The following DYRK1B variants were observed in gnomAD, a reference collection of about 807,000 sequenced individuals.
The protein encoded by DYRK1B is dual specificity tyrosine-phosphorylation-regulated kinase 1B.
Under a neutral mutation model 57.1 loss-of-function variants are expected in DYRK1B, and 20 were observed. That is an observed-to-expected ratio of 0.35 (90% confidence interval 0.25 to 0.51). The LOEUF (loss-of-function observed/expected upper bound fraction) is 0.51, where lower values mean the gene tolerates loss of function less well. Ranked by LOEUF, DYRK1B falls within the 20% of genes least tolerant of loss-of-function variation. The pLI is 0.96. For synonymous variants in DYRK1B, 409 were observed against 384.7 expected (o/e 1.06, Z -0.74); for missense variants, 732 against 886.3 (o/e 0.83, Z 2.21).
chr19:39,826,326 G>A lies in DYRK1B; in HGVS notation c.1412-40C>T. ...GAGGAGAGGTGAAGGGGCATAAGGT[G>A]AGAGAAGGTGGCGAGTGGGTTTTGG... On this transcript the variant is annotated intron_variant, in intron 9 of 10. Transcript: ENST00000323039. The surrounding 1 kb of genome is among the most constrained non-coding windows in gnomAD (Gnocchi z 6.3). 1 of 1,485,076 alleles carries A rather than the reference G, an allele frequency of 6.7e-7. No homozygotes were observed. The allele number at this position is 1,485,076 out of a possible 1,614,324, so 92.0% of individuals were successfully genotyped here. A position where few individuals can be genotyped will look rare whatever the true frequency, so the allele number is the denominator to read the frequency against.
Position 39,828,910 on chromosome 19 carries a change from T to G in DYRK1B, c.521-327A>C, listed in dbSNP as rs563009677. On this transcript the variant is annotated intron_variant, in intron 5 of 10. Coordinates refer to ENST00000323039, the MANE Select transcript of DYRK1B (RefSeq NM_004714.3). This position sits in a 1 kb window ranked among gnomAD's most constrained non-coding sequence, Gnocchi z 4.3. The stretch of plus-strand genomic sequence containing the variant: ...TCATTTTTGTGGCAAAGGACACTGG[T>G]TTTCCGTTTACTTTAAGGATATACG... Among the ~76,000 whole-genome samples, 1 of 152,132 alleles carries G rather than the reference T, an allele frequency of 6.6e-6. No homozygotes were observed. Among genetic ancestry groups the G allele is most frequent in the South Asian group, 2.1e-4 (1 of 4,828 alleles).
In DYRK1B at chr19:39,830,726, T is replaced by G; in HGVS notation, c.121A>C (p.Thr41Pro). Residue 41 changes from threonine to proline, a missense_variant, in exon 3 of 11, where the codon ACC becomes CCC. Transcript: ENST00000323039. ...RRLPLAFRDA[T>P]SAPLRKLSVD... Reference sequence around the variant, plus strand: ...GAGAGCTTACGCAGCGGGGCTGAGGTTGCATCCCGGAAGGCCAGGGGCAGC... The same window carrying G: ...GAGAGCTTACGCAGCGGGGCTGAGGGTGCATCCCGGAAGGCCAGGGGCAGC... The G allele has an allele frequency of 2.5e-6, 4 of 1,613,862 alleles. No individual in the cohort carries two copies. Among genetic ancestry groups the G allele is most frequent in the Non-Finnish European group, 3.4e-6 (4 of 1,179,942 alleles).
intron 1 of DYRK1B, 138 bp from the exon 2 acceptor site, chr19:39,832,106 T>A: frequency 1.0e-6 from 1 of 956,850 alleles, no homozygotes; most frequent in Non-Finnish European, 1.4e-6. Context: ...CAGATAGCAA[T>A]GAAGAGAAGG....
rs1968599321 is a variant in DYRK1B, at chr19:39,827,510, C to T, written c.954G>A (p.Glu318=). Residue 318 remains glutamate (E), a splice_region_variant and synonymous_variant, in exon 7 of 11, where the codon GAG becomes GAA. Coordinates refer to ENST00000323039, the MANE Select transcript of DYRK1B (RefSeq NM_004714.3). Reference sequence around the variant, plus strand: ...AGCACACCCCTTCCTGGGGGCACACCTCATTGGAGCCACTGAAGAGGGGCT... The same window carrying T: ...AGCACACCCCTTCCTGGGGGCACACTTCATTGGAGCCACTGAAGAGGGGCT... ...TGEPLFSGSN[E]VDQMNRIVEV... is the part of the protein sequence containing the mutation. The T allele has an allele frequency of 6.2e-7, 1 of 1,613,744 alleles. No individual in the cohort carries two copies.
chr19:39,826,811 C>A lies in DYRK1B; in HGVS notation c.1272G>T (p.Gly424=). The A allele has an allele frequency of 1.3e-6, 2 of 1,521,932 alleles. No individual in the cohort carries two copies. Among genetic ancestry groups the A allele is most frequent in the Non-Finnish European group, 8.8e-7 (1 of 1,136,692 alleles). The allele number at this position is 1,521,932 out of a possible 1,614,324, so 94.3% of individuals were successfully genotyped here. A position where few individuals can be genotyped will look rare whatever the true frequency, so the allele number is the denominator to read the frequency against. The part of the protein sequence containing the change: ...YEPAARISPL[G]ALQHGFFRRT... ...GGCGGAAGAAGCCGTGCTGCAGAGC[C>A]CCCAGGGGGCTGATGCGGGCGGCGG... Residue 424 remains glycine, a synonymous_variant, in exon 9 of 11, where the codon GGG becomes GGT. Transcript: ENST00000323039. The surrounding 1 kb of genome is among the most constrained non-coding windows in gnomAD (Gnocchi z 6.3).
In DYRK1B at chr19:39,828,786, A is replaced by C. The variant is rs909567049; in HGVS notation, c.521-203T>G. On this transcript the variant is annotated intron_variant, in intron 5 of 10. Transcript: ENST00000323039. The surrounding 1 kb of genome is among the most constrained non-coding windows in gnomAD (Gnocchi z 4.3). Reference sequence around the variant, plus strand: ...TTTCCAAGTCTCTGTCAAACCCTCCAATTAAACCAAAGAGAAAGTTTCATT... The same window carrying C: ...TTTCCAAGTCTCTGTCAAACCCTCCCATTAAACCAAAGAGAAAGTTTCATT... Among the ~76,000 whole-genome samples, 5 of 152,208 alleles carry C rather than the reference A, an allele frequency of 3.3e-5. No individual in the cohort carries two copies. The highest frequency in any genetic ancestry group is 2.6e-4 in the Admixed American group (4 of 15,284).
Position 39,826,877 on chromosome 19 carries a change from G to C in DYRK1B, c.1206C>G (p.Leu402=), listed in dbSNP as rs900514549. ...TGCGCAGCACCAGGTCCTGGAAGCG[G>C]AGGTAGTCGGCGGGGCTGTGGCCCG... is the stretch of plus-strand genomic sequence containing the variant. ...GEPGHSPADY[L]RFQDLVLRML... The change falls in exon 9 of 11, where the codon CTC becomes CTG. Residue 402 remains leucine, a synonymous_variant. Transcript: ENST00000323039. This position sits in a 1 kb window ranked among gnomAD's most constrained non-coding sequence, Gnocchi z 6.3. 1.4e-6 allele frequency: 2 copies of C among 1,429,900 alleles called. No individual in the cohort carries two copies. The highest frequency in any genetic ancestry group is 3.0e-5 in the African/African-American group (2 of 67,172). The allele number at this position is 1,429,900 out of a possible 1,614,324, so 88.6% of individuals were successfully genotyped here.
chr19:39,832,866 A>G, intron 1 of DYRK1B: 1 of 969,484 alleles, frequency 1.0e-6, no homozygotes, highest in Non-Finnish European at 1.2e-6. Context: ...TGGGAGAAGG[A>G]GGAGGTGTCT....
At chr19:39,832,481 T>C (rs991005311) in intron 1 of DYRK1B, among the ~76,000 whole-genome samples, 1 of 152,118 alleles carries the variant, frequency 6.6e-6, no homozygotes, top group African/African-American at 2.4e-5. Flanking sequence ...TCCTTCTCAG[T>C]AGATTCCCTC....
In DYRK1B at chr19:39,831,795, G is replaced by A. The variant is rs1177631481; in HGVS notation, c.63+10C>T. 3.9e-6 allele frequency: 6 copies of A among 1,549,066 alleles called. No homozygotes were observed. In the South Asian group the frequency reaches 4.8e-5, roughly 12 times the overall value. On this transcript the variant is annotated intron_variant, in intron 2 of 10. Coordinates refer to ENST00000323039, the MANE Select transcript of DYRK1B (RefSeq NM_004714.3). ...CCACCACGCAGGTGAGGAGCCAGCT[G>A]AACGCGTACCTGCGTGTGCTCCTGG... is the stretch of plus-strand genomic sequence containing the variant.
In DYRK1B at chr19:39,826,851, A is replaced by T; in HGVS notation, c.1232T>A (p.Met411Lys). Reference protein sequence around the residue: ...YLRFQDLVLRMLEYEPAARIS... With the variant: ...YLRFQDLVLRKLEYEPAARIS... ...GCGGGCGGCGGGCTCATACTCCAGCATGCGCAGCACCAGGTCCTGGAAGCG... is the reference window on the plus strand; with the variant it reads ...GCGGGCGGCGGGCTCATACTCCAGCTTGCGCAGCACCAGGTCCTGGAAGCG... Residue 411 changes from methionine to lysine, a missense_variant, in exon 9 of 11, where the codon ATG becomes AAG. Met to Lys is a moderately conservative substitution (Grantham distance 95). Coordinates refer to ENST00000323039, the MANE Select transcript of DYRK1B (RefSeq NM_004714.3). This position sits in a 1 kb window ranked among gnomAD's most constrained non-coding sequence, Gnocchi z 6.3. 1 of 1,467,494 alleles carries T rather than the reference A, an allele frequency of 6.8e-7. No individual in the cohort carries two copies. Among genetic ancestry groups the T allele is most frequent in the Non-Finnish European group, 9.0e-7 (1 of 1,112,376 alleles). The allele number at this position is 1,467,494 out of a possible 1,614,324, so 90.9% of individuals were successfully genotyped here. A position where few individuals can be genotyped will look rare whatever the true frequency, so the allele number is the denominator to read the frequency against.
At chr19:39,827,450 C>T in intron 7 of DYRK1B, 25 bp from the exon 8 acceptor site, 1 of 1,609,326 alleles carries the variant, frequency 6.2e-7, no homozygotes, top group Non-Finnish European at 8.5e-7. Flanking sequence ...GGGTCAAGGT[C>T]ATCAGGCCAG....
chr19:39,830,743 A>AG lies in DYRK1B; in HGVS notation c.103dup (p.Leu35ProfsTer13). On this transcript the variant is annotated frameshift_variant, in exon 3 of 11. Coordinates refer to ENST00000323039, the MANE Select transcript of DYRK1B (RefSeq NM_004714.3). LOFTEE classifies it high-confidence loss of function. Reference sequence around the variant, plus strand: ...GGCTGAGGTTGCATCCCGGAAGGCCAGGGGCAGCCTCCGAGGCAGTAGCCG... The same window carrying AG: ...GGCTGAGGTTGCATCCCGGAAGGCCAGGGGGCAGCCTCCGAGGCAGTAGCCG... The AG allele has an allele frequency of 6.2e-7, 1 of 1,614,088 alleles. No individual in the cohort carries two copies. Among genetic ancestry groups the AG allele is most frequent in the South Asian group, 1.1e-5 (1 of 91,066 alleles).
Position 39,828,232 on chromosome 19 carries a change from G to T in DYRK1B, c.807+65C>A. On this transcript the variant is annotated intron_variant, in intron 6 of 10. Coordinates refer to ENST00000323039, the MANE Select transcript of DYRK1B (RefSeq NM_004714.3). The surrounding 1 kb of genome is among the most constrained non-coding windows in gnomAD (Gnocchi z 4.3). ...CATCCCAGCCAAGCCCCGCCCCTAA[G>T]CCTCCCGTTGGCTCTGCCCCACCCA... 6.5e-7 allele frequency: 1 copy of T among 1,542,842 alleles called. No homozygotes were observed. Among genetic ancestry groups the T allele is most frequent in the Non-Finnish European group, 8.8e-7 (1 of 1,132,176 alleles).
Position 39,826,555 on chromosome 19 carries a change from C to T in DYRK1B, c.1411+117G>A. 1 of 1,178,322 alleles carries T rather than the reference C, an allele frequency of 8.5e-7. No individual in the cohort carries two copies. The highest frequency in any genetic ancestry group is 1.1e-6 in the Non-Finnish European group (1 of 874,614). 73.0% of individuals were successfully genotyped at this position (1,178,322 alleles called of 1,614,324 possible). ...CTCTCCCATCCCACACGTCATCTTA[C>T]AGTTCAGGATCAGTTTCGGCGCTTT... is the stretch of plus-strand genomic sequence containing the variant. On this transcript the variant is annotated intron_variant, in intron 9 of 10. Transcript: ENST00000323039. The surrounding 1 kb of genome is among the most constrained non-coding windows in gnomAD (Gnocchi z 6.3).
At chr19:39,827,014 G>GGGGGGGGGCC in intron 8 of DYRK1B, 27 bp from the exon 9 acceptor site, 1 of 419,592 alleles carries the variant, frequency 2.4e-6, no homozygotes, top group Non-Finnish European at 4.3e-6. Context: ...GGGAGGGGGG[G>GGGGGGGGGCC]CAAGAGAGTG....
At chr19:39,831,674 C>T (rs1968816580) in intron 2 of DYRK1B, 131 bp downstream of exon 2, 1 of 1,194,672 alleles carries the variant, frequency 8.4e-7, no homozygotes, top group Non-Finnish European at 1.2e-6. Context: ...CTGTTATTTT[C>T]CAATCCCATG....
At position 39,825,467 on chromosome 19, in the gene DYRK1B, CCACT is replaced by C. The variant is rs926929563; in HGVS notation, c.*244_*247del. 1 of 528,770 alleles carries C rather than the reference CCACT, an allele frequency of 1.9e-6. No homozygotes were observed. The highest frequency in any genetic ancestry group is 2.0e-5 in the African/African-American group (1 of 50,938). The allele number at this position is 528,770 out of a possible 1,614,324, so 32.8% of individuals were successfully genotyped here. A position where few individuals can be genotyped will look rare whatever the true frequency, so the allele number is the denominator to read the frequency against. On this transcript the variant is annotated 3_prime_UTR_variant, in exon 11 of 11. Coordinates refer to ENST00000323039, the MANE Select transcript of DYRK1B (RefSeq NM_004714.3). Reference sequence around the variant, plus strand: ...GGGGGGTCTTCCCTCCACCGGACCACCACTGTCTTTGGTACAATAAATAGAAAAA... The same window carrying C: ...GGGGGGTCTTCCCTCCACCGGACCACGTCTTTGGTACAATAAATAGAAAAA...
Position 39,826,421 on chromosome 19 carries a change from G to A in DYRK1B, c.1412-135C>T, listed in dbSNP as rs1173404423. On this transcript the variant is annotated intron_variant, in intron 9 of 10. Coordinates refer to ENST00000323039, the MANE Select transcript of DYRK1B (RefSeq NM_004714.3). The surrounding 1 kb of genome is among the most constrained non-coding windows in gnomAD (Gnocchi z 6.3). ...AAGAGCAGAGCCCATCTGAAGCACC[G>A]GGCCCAATTCTGAGATTCTGGGTTG... 8.2e-6 allele frequency: 7 copies of A among 858,028 alleles called. No individual in the cohort carries two copies. The highest frequency in any genetic ancestry group is 1.9e-5 in the South Asian group (1 of 51,702). The allele number at this position is 858,028 out of a possible 1,614,324, so 53.2% of individuals were successfully genotyped here. A position where few individuals can be genotyped will look rare whatever the true frequency, so the allele number is the denominator to read the frequency against.
Sources: gnomAD v4.1 joint callset for allele counts (sites outside exome capture counted in the v4.1 genomes callset) on GRCh38, gnomAD v4.1.1 for gene constraint, Gnocchi (gnomAD v3.1) non-coding constraint, MANE v1.5 for transcripts, NCBI Gene and HGNC (gene_info 2026-07-23, HGNC 2026-07-21) for gene names.